The following TECRL variants were observed in gnomAD, a reference collection of about 807,000 sequenced individuals.
TECRL encodes trans-2,3-enoyl-CoA reductase like, also known as trans-2,3-enoyl-CoA reductase-like.
In TECRL, 63 loss-of-function variants were observed where a neutral mutation model predicts 52.8. The observed-to-expected ratio is 1.19, with a 90% CI of 0.97 to 1.47. The LOEUF is 1.47. Among genes scored for constraint, TECRL ranks in the 40% most tolerant of loss-of-function variants. The probability of loss-of-function intolerance (pLI) is 0.00; values close to 1 mark genes in which losing one functional copy is unlikely to be tolerated. For missense variants in TECRL, 482 were observed against 429.6 expected, an observed-to-expected ratio of 1.12 and a Z score of -1.08; for synonymous variants, 164 against 141.9, an observed-to-expected ratio of 1.16 and a Z score of -1.10.
intron 6 of TECRL, among the ~76,000 whole-genome samples, chr4:64,305,947 C>T (rs1724311355): frequency 6.6e-6 from 1 of 152,156 alleles, no homozygotes; most frequent in Admixed American, 6.6e-5. Flanking sequence ...ATAAATGCTA[C>T]TCTGCCTTAC....
At chr4:64,293,645 T>C (rs1313937291) in intron 8 of TECRL, among the ~76,000 whole-genome samples, 1 of 132,268 alleles carries the variant, frequency 7.6e-6, no homozygotes, top group Non-Finnish European at 1.7e-5. Flanking sequence ...TGATCCACTT[T>C]TACAATATTT....
At chr4:64,303,024 C>T (rs1000599070) in intron 7 of TECRL, among the ~76,000 whole-genome samples, 9 of 150,376 alleles carry the variant, frequency 6.0e-5, no homozygotes, top group African/African-American at 1.9e-4. Context: ...TTTATCTCAC[C>T]TAAAGATAAT....
intron 2 of TECRL, among the ~76,000 whole-genome samples, chr4:64,357,410 G>T (rs1456279007): frequency 6.6e-6 from 1 of 151,388 alleles, no homozygotes; most frequent in Non-Finnish European, 1.5e-5. Context: ...GAAGTTATCT[G>T]ATCACAATTT....
chr4:64,324,662 T>C (rs1228272965), intron 3 of TECRL, among the ~76,000 whole-genome samples: 1 of 152,098 alleles, frequency 6.6e-6, no homozygotes, highest in Non-Finnish European at 1.5e-5. Flanking sequence ...CCAGATAATT[T>C]AGGTGGTCAT....
Position 64,289,699 on chromosome 4 carries a change from A to G in TECRL, c.832+11T>C, listed in dbSNP as rs949193215. The G allele has an allele frequency of 2.0e-6, 3 of 1,517,818 alleles. No individual in the cohort carries two copies. The highest frequency in any genetic ancestry group is 2.7e-5 in the South Asian group (2 of 73,794). 94.0% of individuals were successfully genotyped at this position (1,517,818 alleles called of 1,614,324 possible). A position where few individuals can be genotyped will look rare whatever the true frequency, so the allele number is the denominator to read the frequency against. On this transcript the variant is annotated intron_variant, in intron 9 of 11. Coordinates refer to ENST00000381210, the MANE Select transcript of TECRL (RefSeq NM_001010874.5). ...TCACTCTAAAGAAAAGAAAAAGAAA[A>G]AAGAACTAACCTGTGTGATTGGGAT...
chr4:64,286,552 A>T lies in TECRL; in HGVS notation c.832+3158T>A, dbSNP rs537122855. Among the ~76,000 whole-genome samples the T allele has an allele frequency of 1.8e-4, 27 of 151,840 alleles. 1 individual carries two copies. In the South Asian group the frequency reaches 3.3e-3, roughly 19 times the overall value. On this transcript the variant is annotated intron_variant, in intron 9 of 11. Coordinates refer to ENST00000381210, the MANE Select transcript of TECRL (RefSeq NM_001010874.5). ...TAGAACGTAAAAAAAAAAAACATGG[A>T]TTAACCTACTAGAAGAGTACCTAGT...
At chr4:64,397,291 C>G (rs954264569) in intron 1 of TECRL, among the ~76,000 whole-genome samples, 2 of 151,916 alleles carry the variant, frequency 1.3e-5, no homozygotes, top group Non-Finnish European at 2.9e-5. Flanking sequence ...ATACCACACT[C>G]TAAATTTTAT....
intron 8 of TECRL, among the ~76,000 whole-genome samples, chr4:64,296,373 AT>A (rs926817917): frequency 3.1e-4 from 47 of 151,098 alleles, no homozygotes; most frequent in Middle Eastern, 3.4e-3. Flanking sequence ...ATAAAAGCAT[AT>A]TTTTTTTTCT....
At chr4:64,346,733 A>T (rs1720016573) in intron 2 of TECRL, among the ~76,000 whole-genome samples, 1 of 152,132 alleles carries the variant, frequency 6.6e-6, no homozygotes, top group Non-Finnish European at 1.5e-5. Flanking sequence ...GGTGCCCTGG[A>T]GAATTGTCCC....
At chr4:64,330,158 T>G (rs1332830260) in intron 2 of TECRL, among the ~76,000 whole-genome samples, 1 of 152,130 alleles carries the variant, frequency 6.6e-6, no homozygotes, top group Non-Finnish European at 1.5e-5. Context: ...TAGCAACACC[T>G]GATTATGCAT....
At chr4:64,391,240 C>T (rs1041241310) in intron 1 of TECRL, among the ~76,000 whole-genome samples, 4 of 151,726 alleles carry the variant, frequency 2.6e-5, no homozygotes, top group Non-Finnish European at 4.4e-5. Flanking sequence ...AATTGAATTG[C>T]TTTGGTGATC....
intron 2 of TECRL, among the ~76,000 whole-genome samples, chr4:64,345,669 G>A (rs957215557): frequency 6.6e-6 from 1 of 151,418 alleles, no homozygotes; most frequent in African/African-American, 2.4e-5. Context: ...CCTGCATGTT[G>A]TGCACATGTA....
intron 2 of TECRL, among the ~76,000 whole-genome samples, chr4:64,336,848 T>A (rs540546259): frequency 6.6e-6 from 1 of 152,312 alleles, no homozygotes; most frequent in East Asian, 1.9e-4. Flanking sequence ...TGAGTTCTAG[T>A]TTGATTGCAC....
Position 64,395,543 on chromosome 4 carries a change from G to A in TECRL, c.234+13575C>T, listed in dbSNP as rs77587467. Among the ~76,000 whole-genome samples, 1,426 of 152,212 alleles carry A rather than the reference G, an allele frequency of 9.4e-3. 15 individuals are homozygous for A. Among genetic ancestry groups the A allele is most frequent in the African/African-American group, 0.031 (1,302 of 41,512 alleles). ...CATTGTCAGACTACCAAAATGTATT[G>A]ATATCATGTAATCTGGACTTGACTT... On this transcript the variant is annotated intron_variant, in intron 1 of 11. Transcript: ENST00000381210.
chr4:64,356,200 A>T (rs145133368), intron 2 of TECRL, among the ~76,000 whole-genome samples: 1 of 152,212 alleles, frequency 6.6e-6, no homozygotes, highest in East Asian at 1.9e-4. Flanking sequence ...TGCCCTGGAA[A>T]GCCGGGTATT....
At chr4:64,368,920 G>T (rs1256300224) in intron 2 of TECRL, among the ~76,000 whole-genome samples, 1 of 152,070 alleles carries the variant, frequency 6.6e-6, no homozygotes, top group East Asian at 1.9e-4. Flanking sequence ...TTTTGGCAAA[G>T]ATTTATATGC....
chr4:64,284,981 C>T (rs879748852), intron 9 of TECRL, among the ~76,000 whole-genome samples: 1 of 151,940 alleles, frequency 6.6e-6, no homozygotes, highest in Non-Finnish European at 1.5e-5. Flanking sequence ...ACTAAAAGGA[C>T]TTCATTGATT....
chr4:64,284,074 G>T (rs561720728), intron 9 of TECRL, among the ~76,000 whole-genome samples: 2 of 152,142 alleles, frequency 1.3e-5, no homozygotes, highest in South Asian at 4.1e-4. Flanking sequence ...AATACACATG[G>T]GGTTGGAATC....
chr4:64,401,983 T>TCTTTGGAA (rs1724388012), intron 1 of TECRL, among the ~76,000 whole-genome samples: 1 of 152,164 alleles, frequency 6.6e-6, no homozygotes, highest in East Asian at 1.9e-4. Context: ...CACAATTTAT[T>TCTTTGGAA]CACTTTTCAT....
Sources: gnomAD v4.1 joint callset for allele counts (sites outside exome capture counted in the v4.1 genomes callset) on GRCh38, gnomAD v4.1.1 for gene constraint, MANE v1.5 for transcripts, NCBI Gene and HGNC (gene_info 2026-07-23, HGNC 2026-07-21) for gene names.